The following MPP7 variants were observed in gnomAD, a reference collection of about 807,000 sequenced individuals.
The protein encoded by MPP7 is MAGUK p55 scaffold protein 7.
Under a neutral mutation model 76.5 loss-of-function variants are expected in MPP7, and 60 were observed. That is an observed-to-expected ratio of 0.78 (90% confidence interval 0.64 to 0.97). The LOEUF is 0.97. MPP7 is among the 50% of genes least tolerant of loss of function. The pLI is 0.00. For missense variants in MPP7, 641 were observed against 694.0 expected (o/e 0.92, Z 0.86); for synonymous variants, 237 against 244.5 (o/e 0.97, Z 0.29).
Position 28,069,837 on chromosome 10 carries a change from C to A in MPP7, c.1139G>T (p.Gly380Val). The change falls in exon 13 of 17, where the codon GGG becomes GTG. Residue 380 changes from glycine (G) to valine (V), a missense_variant. Coordinates refer to ENST00000683449, the MANE Select transcript of MPP7 (RefSeq NM_001318170.2). ...CAGCTTTCGTTTCAGTTCATTCAGCCCTACTCCCACGGGACCTGAAAAACA... is the reference window on the plus strand; with the variant it reads ...CAGCTTTCGTTTCAGTTCATTCAGCACTACTCCCACGGGACCTGAAAAACA... ...LVVLVGPVGV[G>V]LNELKRKLLI... 1 of 1,613,668 alleles carries A rather than the reference C, an allele frequency of 6.2e-7. No individual in the cohort carries two copies. Among genetic ancestry groups the A allele is most frequent in the East Asian group, 2.2e-5 (1 of 44,844 alleles).
chr10:28,134,037 C>A (rs2133692754), intron 5 of MPP7, among the ~76,000 whole-genome samples: 1 of 152,070 alleles, frequency 6.6e-6, no homozygotes, highest in Non-Finnish European at 1.5e-5. Flanking sequence ...TCTTTTGATG[C>A]ATATATATAT....
chr10:28,325,452 A>T (rs764644599), intron 2 of MPP7, among the ~76,000 whole-genome samples: 1 of 151,550 alleles, frequency 6.6e-6, no homozygotes, highest in Non-Finnish European at 1.5e-5. Flanking sequence ...GGAGTTTGAG[A>T]CCGACCAGGG....
intron 12 of MPP7, among the ~76,000 whole-genome samples, chr10:28,082,335 G>A (rs1192304527): frequency 6.6e-6 from 1 of 152,102 alleles, no homozygotes; most frequent in Non-Finnish European, 1.5e-5. Context: ...AACATTTCAT[G>A]TTTATCTTAT....
chr10:28,210,606 G>C (rs946577232), intron 2 of MPP7, among the ~76,000 whole-genome samples: 1 of 152,160 alleles, frequency 6.6e-6, no homozygotes, highest in Non-Finnish European at 1.5e-5. Flanking sequence ...TAGGGGCTAA[G>C]AAAGGCGCTT....
intron 2 of MPP7, chr10:28,203,338 T>C (rs1837842048): frequency 6.6e-6 from 1 of 152,110 alleles, no homozygotes; most frequent in Non-Finnish European, 1.5e-5. Context: ...CGTATATCTA[T>C]TATCTTCCTG....
intron 3 of MPP7, among the ~76,000 whole-genome samples, chr10:28,190,148 C>G (rs1440275880): frequency 1.3e-5 from 2 of 151,876 alleles, no homozygotes; most frequent in Non-Finnish European, 2.9e-5. Context: ...GTGTATGCAC[C>G]TAAAAAGAAA....
intron 3 of MPP7, among the ~76,000 whole-genome samples, chr10:28,173,748 G>T (rs1390351016): frequency 6.6e-6 from 1 of 152,156 alleles, no homozygotes; most frequent in East Asian, 1.9e-4. Context: ...AAAAACACTA[G>T]TGAAAGATAT....
intron 3 of MPP7, among the ~76,000 whole-genome samples, chr10:28,172,507 A>G (rs1438506442): frequency 6.6e-6 from 1 of 152,184 alleles, no homozygotes; most frequent in Non-Finnish European, 1.5e-5. Context: ...TCAAGACTCT[A>G]CTACACCGAC....
chr10:28,089,121 C>T (rs1299988820), intron 12 of MPP7, among the ~76,000 whole-genome samples: 1 of 152,148 alleles, frequency 6.6e-6, no homozygotes, highest in Non-Finnish European at 1.5e-5. Flanking sequence ...CCATGATGGC[C>T]AGGCTGGTCT....
intron 5 of MPP7, among the ~76,000 whole-genome samples, chr10:28,138,236 T>G (rs1197951957): frequency 6.6e-6 from 1 of 152,232 alleles, no homozygotes. Flanking sequence ...ACAGTTTAAT[T>G]TGCCTTTAAT....
intron 12 of MPP7, among the ~76,000 whole-genome samples, chr10:28,088,817 T>C (rs1368636478): frequency 6.6e-6 from 1 of 152,210 alleles, no homozygotes; most frequent in Non-Finnish European, 1.5e-5. Flanking sequence ...AGATAGATGC[T>C]AGGATGCAAA....
intron 3 of MPP7, among the ~76,000 whole-genome samples, chr10:28,167,256 A>T (rs1304395374): frequency 6.6e-6 from 1 of 152,090 alleles, no homozygotes; most frequent in African/African-American, 2.4e-5. Flanking sequence ...GGTTGCAGTG[A>T]GCCGAGACGG....
intron 3 of MPP7, among the ~76,000 whole-genome samples, chr10:28,161,609 C>T (rs975131325): frequency 2.0e-5 from 3 of 151,982 alleles, no homozygotes; most frequent in Admixed American, 2.0e-4. Flanking sequence ...AAATTCAGAC[C>T]GAAGCTAAAC....
At chr10:28,065,626 A>ATT (rs1208968363) in intron 13 of MPP7, among the ~76,000 whole-genome samples, 1 of 152,198 alleles carries the variant, frequency 6.6e-6, no homozygotes, top group Admixed American at 6.5e-5. Flanking sequence ...AAAACAAAAT[A>ATT]GGAGCCCTCT....
intron 2 of MPP7, among the ~76,000 whole-genome samples, chr10:28,318,007 T>C (rs955142589): frequency 1.3e-5 from 2 of 152,208 alleles, no homozygotes; most frequent in South Asian, 2.1e-4. Context: ...TGCACAACCA[T>C]ATGCTGTTGT....
intron 12 of MPP7, among the ~76,000 whole-genome samples, chr10:28,075,076 G>A (rs1447242697): frequency 2.6e-5 from 4 of 151,990 alleles, no homozygotes; most frequent in Admixed American, 2.0e-4. Context: ...GGGGGAGTGA[G>A]GTGTCTCATA....
intron 2 of MPP7, among the ~76,000 whole-genome samples, chr10:28,220,446 A>C (rs906616097): frequency 6.6e-6 from 1 of 152,206 alleles, no homozygotes; most frequent in African/African-American, 2.4e-5. Context: ...ATTGGCTATA[A>C]AAGCTAAAAT....
chr10:28,131,107 A>T (rs1021710850), intron 6 of MPP7, among the ~76,000 whole-genome samples: 1 of 152,226 alleles, frequency 6.6e-6, no homozygotes. Context: ...ACCAAATAAG[A>T]TCTTCAAAAG....
chr10:28,175,639 C>G (rs909818519), intron 3 of MPP7, among the ~76,000 whole-genome samples: 33 of 152,086 alleles, frequency 2.2e-4, no homozygotes, highest in Admixed American at 1.2e-3. Flanking sequence ...ACCATACTTA[C>G]GAACACTTTA....
Sources: allele counts gnomAD v4.1 joint callset (sites outside exome capture counted in the v4.1 genomes callset), GRCh38; gene constraint gnomAD v4.1.1; transcripts MANE v1.5; gene names NCBI Gene and HGNC (gene_info 2026-07-23, HGNC 2026-07-21).